Variants in SPAG17 observed in about 807,000 individuals in gnomAD.
SPAG17 encodes the protein sperm-associated antigen 17.
SPAG17 carries 169 observed loss-of-function variants against 273.6 expected under a neutral mutation model. The ratio of observed to expected loss-of-function variants is 0.62; its 90% CI spans 0.55 to 0.70. The LOEUF (loss-of-function observed/expected upper bound fraction) is 0.70. Ranked by LOEUF, SPAG17 falls within the 30% of genes least tolerant of loss-of-function variation. The pLI, the probability that SPAG17 is intolerant of heterozygous loss-of-function variation, is 0.00. For missense variants in SPAG17, 2,557 were observed against 2,627.8 expected (o/e 0.97, Z 0.59); for synonymous variants, 825 against 873.2 (o/e 0.94, Z 0.97).
chr1:118,045,265 A>T (rs545672993), intron 20 of SPAG17, among the ~76,000 whole-genome samples: 1 of 152,330 alleles, frequency 6.6e-6, no homozygotes, highest in East Asian at 1.9e-4. Context: ...CTGTCCAGAA[A>T]GACCAAACCT....
At chr1:117,963,138 G>A (rs1653324058) in intron 48 of SPAG17, 1 of 152,132 alleles carries the variant, frequency 6.6e-6, no homozygotes, top group African/African-American at 2.4e-5. Flanking sequence ...AACAGTCACT[G>A]AGCCCAACTC....
At chr1:118,019,742 A>G (rs535049002) in intron 28 of SPAG17, among the ~76,000 whole-genome samples, 32 of 152,354 alleles carry the variant, frequency 2.1e-4, no homozygotes, top group South Asian at 6.2e-4. Context: ...TCCTCAAAGC[A>G]ACAACAACTT....
At chr1:118,101,063 T>C (rs1656035194) in intron 5 of SPAG17, among the ~76,000 whole-genome samples, 1 of 152,348 alleles carries the variant, frequency 6.6e-6, no homozygotes, top group South Asian at 2.1e-4. Context: ...CAACTGGCTA[T>C]CTCAGCCTTT....
intron 5 of SPAG17, among the ~76,000 whole-genome samples, chr1:118,100,916 G>C (rs1250753853): frequency 6.6e-6 from 1 of 152,176 alleles, no homozygotes; most frequent in African/African-American, 2.4e-5. Context: ...CTCTATGTGA[G>C]TCACCAAATT....
At chr1:118,050,416 T>C (rs1247946740) in intron 20 of SPAG17, among the ~76,000 whole-genome samples, 4 of 152,196 alleles carry the variant, frequency 2.6e-5, no homozygotes, top group African/African-American at 9.7e-5. Context: ...TTCTTTCTTC[T>C]GAGGAGGCAA....
chr1:117,954,158 C>T, intron 48 of SPAG17, 109 bp from the exon 49 acceptor site: 1 of 1,448,846 alleles, frequency 6.9e-7, no homozygotes, highest in East Asian at 2.3e-5. Context: ...AGGAGAAAAA[C>T]CATTGTTTTG....
In SPAG17 at chr1:118,006,357, C is replaced by T. The variant is rs940385444; in HGVS notation, c.4588-755G>A. Among the ~76,000 whole-genome samples the T allele has an allele frequency of 4.6e-5, 7 of 152,254 alleles. 2 individuals are homozygous for T. The South Asian group carries it at 8.3e-4, about 18-fold the overall frequency. On this transcript the variant is annotated intron_variant, in intron 31 of 48. Transcript: ENST00000336338. Reference sequence around the variant, plus strand: ...TAAATGGAAGCATGTACTCTGTGGCCTTTTGTGTCTGGCTTCTTTCAGTTA... The same window carrying T: ...TAAATGGAAGCATGTACTCTGTGGCTTTTTGTGTCTGGCTTCTTTCAGTTA...
chr1:118,015,894 C>A, intron 29 of SPAG17, 71 bp downstream of exon 29: 2 of 1,297,776 alleles, frequency 1.5e-6, no homozygotes, highest in East Asian at 2.3e-5. Flanking sequence ...ATCAGCTAGG[C>A]ACTCTTTTGG....
chr1:118,074,695 G>A, intron 15 of SPAG17, 95 bp from the exon 16 acceptor site: 1 of 1,136,464 alleles, frequency 8.8e-7, no homozygotes, highest in Non-Finnish European at 1.3e-6. Flanking sequence ...TATGATCTAT[G>A]TTTCTGTGCT....
chr1:118,117,692 C>T (rs1354155219), intron 3 of SPAG17, among the ~76,000 whole-genome samples: 1 of 152,180 alleles, frequency 6.6e-6, no homozygotes, highest in Non-Finnish European at 1.5e-5. Flanking sequence ...GTGTCCTCCT[C>T]CCGAACTGCC....
intron 15 of SPAG17, among the ~76,000 whole-genome samples, chr1:118,078,254 A>G (rs1036524676): frequency 6.6e-6 from 1 of 152,080 alleles, no homozygotes; most frequent in Non-Finnish European, 1.5e-5. Flanking sequence ...TCATGTTATC[A>G]CTTTCTTAAA....
chr1:117,962,547 A>G (rs1653247321), intron 48 of SPAG17: 1 of 127,498 alleles, frequency 7.8e-6, no homozygotes, highest in Non-Finnish European at 1.6e-5. Context: ...GACTCCATTG[A>G]AAAAAAAAAA....
chr1:117,957,708 G>T (rs1325757928), intron 48 of SPAG17, among the ~76,000 whole-genome samples: 2 of 152,170 alleles, frequency 1.3e-5, no homozygotes, highest in Non-Finnish European at 2.9e-5. Flanking sequence ...CTTTGTTGTT[G>T]TTGTTCATCA....
At chr1:118,146,258 T>C (rs1658983644) in intron 3 of SPAG17, among the ~76,000 whole-genome samples, 1 of 152,242 alleles carries the variant, frequency 6.6e-6, no homozygotes, top group Non-Finnish European at 1.5e-5. Flanking sequence ...TAGAACTCTC[T>C]CATCGAGAAC....
At chr1:118,130,359 T>C (rs561349732) in intron 3 of SPAG17, among the ~76,000 whole-genome samples, 8 of 152,352 alleles carry the variant, frequency 5.3e-5, no homozygotes, top group African/African-American at 1.9e-4. Context: ...TTGGGCCTAG[T>C]AGTATGACAT....
At chr1:117,975,151 C>T (rs1222109737) in intron 43 of SPAG17, among the ~76,000 whole-genome samples, 1 of 152,114 alleles carries the variant, frequency 6.6e-6, no homozygotes, top group African/African-American at 2.4e-5. Context: ...ATGGAAATAG[C>T]CTGTCCTTTG....
intron 1 of SPAG17, among the ~76,000 whole-genome samples, chr1:118,170,645 T>C (rs1024693428): frequency 7.9e-5 from 12 of 152,214 alleles, no homozygotes; most frequent in Non-Finnish European, 1.6e-4. Flanking sequence ...TGGATATTAT[T>C]GTCTCTATCT....
chr1:118,096,133 A>G (rs1177658607), intron 7 of SPAG17, among the ~76,000 whole-genome samples: 1 of 152,174 alleles, frequency 6.6e-6, no homozygotes, highest in Non-Finnish European at 1.5e-5. Context: ...TATAACTCAA[A>G]CTGATCTCTC....
chr1:117,981,267 T>A lies in SPAG17; in HGVS notation c.6004+3A>T. 6.4e-7 allele frequency: 1 copy of A among 1,559,230 alleles called. No homozygotes were observed. Among genetic ancestry groups the A allele is most frequent in the Non-Finnish European group, 8.6e-7 (1 of 1,163,090 alleles). On this transcript the variant is annotated splice_donor_region_variant and intron_variant, in intron 43 of 48. Transcript: ENST00000336338. ...AGCAATAAGATAAAAAAGACTGCCA[T>A]ACCTTCAGGAGATTTTGTTAAATTT...
Sources: gnomAD v4.1 joint callset for allele counts (sites outside exome capture counted in the v4.1 genomes callset) on GRCh38, gnomAD v4.1.1 for gene constraint, MANE v1.5 for transcripts, NCBI Gene and HGNC (gene_info 2026-07-23, HGNC 2026-07-21) for gene names.